Variants in GNB4 observed in about 807,000 individuals in gnomAD.
GNB4 encodes G protein subunit beta 4, also known as guanine nucleotide-binding protein subunit beta-4.
Under a neutral mutation model 45.2 loss-of-function variants are expected in GNB4, and 28 were observed. The ratio of observed to expected loss-of-function variants is 0.62; its 90% confidence interval spans 0.46 to 0.85. GNB4 has a LOEUF of 0.85. Among genes scored for constraint, GNB4 ranks in the 40% least tolerant of loss-of-function variants. The pLI, the probability that GNB4 is intolerant of heterozygous loss-of-function variation, is 0.00. For missense variants in GNB4, 321 were observed against 425.4 expected (o/e 0.75, Z 2.16); for synonymous variants, 132 against 143.7 (o/e 0.92, Z 0.58).
the GNB4 span, among the ~76,000 whole-genome samples, chr3:179,480,756 A>C: frequency 6.6e-6 from 1 of 152,118 alleles, no homozygotes. Flanking sequence ...CATAGAATTT[A>C]TCTCCTGGTC....
chr3:179,481,017 A>AT, the GNB4 span, among the ~76,000 whole-genome samples: 6 of 150,776 alleles, frequency 4.0e-5, no homozygotes, highest in East Asian at 2.0e-4. Flanking sequence ...CGCCCGGCTA[A>AT]TTTTTTTGTA....
At chr3:179,451,619 C>CCGGGCGGGGGGCGAAGGGAG (rs1272104383), upstream of GNB4, 1 of 151,210 alleles carries the variant, frequency 6.6e-6, no homozygotes, top group Non-Finnish European at 1.5e-5. Context: ...CGCGCGCAGC[C>CCGGGCGGGGGGCGAAGGGAG]CGGGCGGGGG....
chr3:179,443,937 T>C (rs1715655771), intron 1 of GNB4, among the ~76,000 whole-genome samples: 2 of 152,208 alleles, frequency 1.3e-5, no homozygotes, highest in South Asian at 4.1e-4. Flanking sequence ...TTTAGTTACA[T>C]TTAGTCCCAT....
the GNB4 span, among the ~76,000 whole-genome samples, chr3:179,507,747 C>T: frequency 6.6e-6 from 1 of 152,184 alleles, no homozygotes; most frequent in African/African-American, 2.4e-5. Flanking sequence ...CCTTTGTTCT[C>T]CCAAGCCATC....
chr3:179,526,678 G>A, the GNB4 span, among the ~76,000 whole-genome samples: 6 of 152,060 alleles, frequency 3.9e-5, no homozygotes, highest in South Asian at 2.1e-4. Context: ...TATCTGAACC[G>A]TGCTTCCATG....
chr3:179,508,915 C>A, the GNB4 span, among the ~76,000 whole-genome samples: 1 of 79,372 alleles, frequency 1.3e-5, no homozygotes. Flanking sequence ...GGAATCAAAA[C>A]CTCTCTTTCA....
intron 1 of GNB4, among the ~76,000 whole-genome samples, chr3:179,427,605 TAAAAAAAAAA>T (rs67400722): frequency 7.7e-6 from 1 of 129,730 alleles, no homozygotes; most frequent in African/African-American, 2.9e-5. Flanking sequence ...ACTCTGGCTT[TAAAAAAAAAA>T]AAAAAAAAAA....
chr3:179,496,387 AC>A, the GNB4 span, among the ~76,000 whole-genome samples: 1 of 152,168 alleles, frequency 6.6e-6, no homozygotes, highest in Non-Finnish European at 1.5e-5. Flanking sequence ...AGCCAAAAAA[AC>A]AACCAATCAA....
intron 2 of GNB4, among the ~76,000 whole-genome samples, chr3:179,424,019 G>C (rs1211510023): frequency 6.6e-6 from 1 of 152,048 alleles, no homozygotes; most frequent in African/African-American, 2.4e-5. Flanking sequence ...CGTGTTCAGG[G>C]AACCAGACTA....
At chr3:179,497,899 G>A in the GNB4 span, among the ~76,000 whole-genome samples, 2 of 152,158 alleles carry the variant, frequency 1.3e-5, no homozygotes, top group Non-Finnish European at 2.9e-5. Context: ...AAAAACAAGT[G>A]TTGGCAAAGA....
the GNB4 span, among the ~76,000 whole-genome samples, chr3:179,482,368 A>G: frequency 6.6e-6 from 1 of 152,308 alleles, no homozygotes; most frequent in East Asian, 1.9e-4. Context: ...TTAGAGTAAA[A>G]TATTAGGGTG....
chr3:179,470,158 G>T, the GNB4 span, among the ~76,000 whole-genome samples: 6 of 152,172 alleles, frequency 3.9e-5, no homozygotes, highest in East Asian at 1.2e-3. Context: ...AAGCAACTTT[G>T]TGGCTGGTTT....
chr3:179,495,553 AAGAAAAGAAAGAAAG>A, the GNB4 span, among the ~76,000 whole-genome samples: 508 of 151,652 alleles, frequency 3.3e-3, 3 homozygotes, highest in Non-Finnish European at 4.7e-3. Context: ...AATAAAAGAA[AAGAAAAGAAAGAAAG>A]AGAAAGAAAG....
the GNB4 span, among the ~76,000 whole-genome samples, chr3:179,489,649 A>G: frequency 1.3e-5 from 2 of 152,168 alleles, no homozygotes; most frequent in African/African-American, 4.8e-5. Context: ...TCTAAAAAAA[A>G]TGTTTAATTA....
At chr3:179,487,754 A>C in the GNB4 span, among the ~76,000 whole-genome samples, 1 of 152,122 alleles carries the variant, frequency 6.6e-6, no homozygotes, top group Non-Finnish European at 1.5e-5. Context: ...AGCAATATTA[A>C]AACACTTGCA....
chr3:179,439,323 TC>T (rs1715539327), intron 1 of GNB4, among the ~76,000 whole-genome samples: 1 of 152,154 alleles, frequency 6.6e-6, no homozygotes, highest in African/African-American at 2.4e-5. Flanking sequence ...AGATAAAACA[TC>T]TAAATCCTTA....
intron 8 of GNB4, among the ~76,000 whole-genome samples, chr3:179,406,927 A>G: frequency 6.6e-6 from 1 of 152,038 alleles, no homozygotes; most frequent in East Asian, 1.9e-4. Flanking sequence ...TCTTTTAATT[A>G]CTTTTTAAAA....
chr3:179,429,001 T>C (rs1715226298), intron 1 of GNB4, among the ~76,000 whole-genome samples: 1 of 152,168 alleles, frequency 6.6e-6, no homozygotes, highest in Non-Finnish European at 1.5e-5. Context: ...GAAAAAGCAG[T>C]TCCCTCACCA....
intron 8 of GNB4, chr3:179,405,682 T>C: frequency 3.1e-6 from 1 of 325,858 alleles, no homozygotes; most frequent in Non-Finnish European, 5.7e-6. Flanking sequence ...ATATGTCATG[T>C]TGAAACATTT....
Sources: allele counts gnomAD v4.1 joint callset (sites outside exome capture counted in the v4.1 genomes callset), GRCh38; gene constraint gnomAD v4.1.1; transcripts MANE v1.5; gene names NCBI Gene and HGNC (gene_info 2026-07-23, HGNC 2026-07-21).